RBPMS2: variants seen among roughly 807,000 people sequenced by gnomAD.
RBPMS2 encodes the protein RNA binding protein, mRNA processing factor 2, also known as RNA-binding protein with multiple splicing 2.
In RBPMS2, 14 loss-of-function variants were observed where a neutral mutation model predicts 25.7. That is an observed-to-expected ratio of 0.55 (90% CI 0.36 to 0.85). RBPMS2 has a LOEUF of 0.85. Ranked by LOEUF, RBPMS2 falls within the 40% of genes least tolerant of loss-of-function variation. The probability of loss-of-function intolerance (pLI) is 0.01; values close to 1 mark genes in which losing one functional copy is unlikely to be tolerated. For missense variants in RBPMS2, 252 were observed against 283.4 expected (o/e 0.89, Z 0.80); for synonymous variants, 127 against 115.6 (o/e 1.10, Z -0.63).
intron 1 of RBPMS2, among the ~76,000 whole-genome samples, chr15:64,762,739 G>A (rs138081597): frequency 4.5e-4 from 69 of 152,288 alleles, no homozygotes; most frequent in Admixed American, 9.2e-4. Context: ...CTCAGGTCCC[G>A]TCACACACTG....
intron 6 of RBPMS2, among the ~76,000 whole-genome samples, chr15:64,747,335 C>G (rs375638539): frequency 6.6e-6 from 1 of 152,124 alleles, no homozygotes; most frequent in East Asian, 1.9e-4. Context: ...GGCAGAGCAC[C>G]CGACTCCTCC....
chr15:64,766,671 G>A (rs1048983958), intron 1 of RBPMS2, among the ~76,000 whole-genome samples: 5 of 151,776 alleles, frequency 3.3e-5, no homozygotes, highest in Non-Finnish European at 5.9e-5. Context: ...GACTACAGGC[G>A]CCTGCCACCA....
chr15:64,757,147 A>G (rs1449983052), intron 1 of RBPMS2, among the ~76,000 whole-genome samples: 1 of 151,430 alleles, frequency 6.6e-6, no homozygotes, highest in Non-Finnish European at 1.5e-5. Context: ...TAGCTTTTCC[A>G]TTTTTGTAGC....
Position 64,751,572 on chromosome 15 carries a change from G to A in RBPMS2, c.154C>T (p.Arg52Trp), listed in dbSNP as rs150042844. 36 of 1,613,822 alleles carry A rather than the reference G, an allele frequency of 2.2e-5. No homozygotes were observed. The highest frequency in any genetic ancestry group is 2.8e-5 in the Non-Finnish European group (33 of 1,179,922). Residue 52 changes from arginine to tryptophan, a missense_variant, in exon 2 of 8, where the codon CGG (arginine) becomes TGG (tryptophan). Transcript: ENST00000300069. ...GGGTCCTGACTCACCTTGAACGGCC[G>A]GAAGAGCAAGTAGAGTTCTCTGGGT... ...IKPRELYLLF[R>W]PFKGYEGSLI...
At chr15:64,767,481 T>G (rs888819793) in intron 1 of RBPMS2, among the ~76,000 whole-genome samples, 6 of 152,192 alleles carry the variant, frequency 3.9e-5, no homozygotes, top group African/African-American at 1.4e-4. Context: ...AGCTCAGTAC[T>G]CAGGGCAGGC....
intron 1 of RBPMS2, among the ~76,000 whole-genome samples, chr15:64,767,737 C>T (rs1030771476): frequency 2.6e-5 from 4 of 152,038 alleles, no homozygotes; most frequent in Non-Finnish European, 4.4e-5. Context: ...CAGTGTGGCA[C>T]GATCTCACTG....
intron 1 of RBPMS2, among the ~76,000 whole-genome samples, chr15:64,765,275 C>T (rs1412790240): frequency 5.5e-5 from 8 of 145,240 alleles, no homozygotes; most frequent in African/African-American, 2.0e-4. Flanking sequence ...ATTAGCCCGG[C>T]GTGTTGGTGT....
chr15:64,741,096 G>A (rs951948838), intron 7 of RBPMS2, 77 bp downstream of exon 7: 6 of 1,146,026 alleles, frequency 5.2e-6, no homozygotes, highest in South Asian at 1.3e-5. Context: ...GAGACCCGGG[G>A]CAGAGGGAGG....
chr15:64,760,604 C>G (rs992923566), intron 1 of RBPMS2, among the ~76,000 whole-genome samples: 1 of 151,838 alleles, frequency 6.6e-6, no homozygotes, highest in African/African-American at 2.4e-5. Flanking sequence ...AGTTCTAGAC[C>G]AGCCTGGCTA....
chr15:64,748,744 T>C (rs529075409), intron 5 of RBPMS2, among the ~76,000 whole-genome samples, 177 bp from the exon 6 acceptor site: 1 of 152,078 alleles, frequency 6.6e-6, no homozygotes, highest in South Asian at 2.1e-4. Flanking sequence ...TGTCATGGTG[T>C]GCATCCTGCC....
Position 64,750,391 on chromosome 15 carries a change from G to C in RBPMS2, c.166-10C>G. ...GGGACCCTTCATACCCCTGCGGAGA[G>C]AGGTGGCTGTTACCGTGGAAGGTCA... On this transcript the variant is annotated splice_polypyrimidine_tract_variant and intron_variant, in intron 2 of 7. Coordinates refer to ENST00000300069, the MANE Select transcript of RBPMS2 (RefSeq NM_194272.3). The C allele has an allele frequency of 6.2e-7, 1 of 1,613,334 alleles. No individual in the cohort carries two copies. The highest frequency in any genetic ancestry group is 8.5e-7 in the Non-Finnish European group (1 of 1,179,294).
chr15:64,749,812 A>G (rs1398755862), intron 3 of RBPMS2, among the ~76,000 whole-genome samples: 1 of 152,204 alleles, frequency 6.6e-6, no homozygotes, highest in Non-Finnish European at 1.5e-5. Flanking sequence ...GCAGATAACT[A>G]AAAGTAAGTC....
chr15:64,754,302 A>C (rs2083711369), intron 1 of RBPMS2, among the ~76,000 whole-genome samples: 1 of 149,526 alleles, frequency 6.7e-6, no homozygotes, highest in Non-Finnish European at 1.5e-5. Context: ...ACAGAGTGAG[A>C]CTCCATCTCA....
Position 64,775,320 on chromosome 15 carries a change from G to T in RBPMS2, c.-1C>A. 1 of 1,304,968 alleles carries T rather than the reference G, an allele frequency of 7.7e-7. No individual in the cohort carries two copies. Among genetic ancestry groups the T allele is most frequent in the Non-Finnish European group, 9.8e-7 (1 of 1,020,930 alleles). 80.8% of individuals were successfully genotyped at this position (1,304,968 alleles called of 1,614,324 possible). A position where few individuals can be genotyped will look rare whatever the true frequency, so the allele number is the denominator to read the frequency against. On this transcript the variant is annotated 5_prime_UTR_variant, in exon 1 of 8. Transcript: ENST00000300069. ...CGCCGTCCGGCTTCAGGTTGCTCATGGTGCGGGGGAGGGGGCGGCGGGAAG... is the reference window on the plus strand; with the variant it reads ...CGCCGTCCGGCTTCAGGTTGCTCATTGTGCGGGGGAGGGGGCGGCGGGAAG...
intron 6 of RBPMS2, among the ~76,000 whole-genome samples, chr15:64,742,380 C>G (rs2141052444): frequency 6.6e-6 from 1 of 152,334 alleles, no homozygotes; most frequent in South Asian, 2.1e-4. Flanking sequence ...CGGCAGCTAT[C>G]TGAGATCATC....
Position 64,749,143 on chromosome 15 carries a change from C to T in RBPMS2, c.275G>A (p.Arg92His), listed in dbSNP as rs752694645. ...EAAKNALNGI[R>H]FDPENPQTLR... ...AGTCTGTGGATTTTCGGGATCAAAGCGAATACCCTACATGGGTAGAGAAAA... is the reference window on the plus strand; with the variant it reads ...AGTCTGTGGATTTTCGGGATCAAAGTGAATACCCTACATGGGTAGAGAAAA... The change falls in exon 5 of 8, where the codon CGC becomes CAC. Residue 92 changes from arginine to histidine, a missense_variant. Transcript: ENST00000300069. The T allele has an allele frequency of 3.3e-5, 53 of 1,613,980 alleles. No individual in the cohort carries two copies. Among genetic ancestry groups the T allele is most frequent in the African/African-American group, 8.0e-5 (6 of 74,886 alleles).
At chr15:64,773,409 G>A (rs751543941) in intron 1 of RBPMS2, among the ~76,000 whole-genome samples, 2 of 152,144 alleles carry the variant, frequency 1.3e-5, no homozygotes, top group African/African-American at 4.8e-5. Flanking sequence ...TCTGCTAAAC[G>A]CGAGCCCACC....
chr15:64,748,316 T>C, intron 6 of RBPMS2, 103 bp downstream of exon 6: 1 of 1,229,896 alleles, frequency 8.1e-7, no homozygotes, highest in Non-Finnish European at 1.1e-6. Context: ...ACAAGAGTTC[T>C]GCTGCAGCTC....
At chr15:64,750,449 C>A in intron 2 of RBPMS2, 68 bp from the exon 3 acceptor site, 1 of 1,333,822 alleles carries the variant, frequency 7.5e-7, no homozygotes, top group Non-Finnish European at 1.1e-6. Flanking sequence ...AGCGCTGCCA[C>A]CTCATCAGCC....
Sources: gnomAD v4.1 joint callset for allele counts (sites outside exome capture counted in the v4.1 genomes callset) on GRCh38, gnomAD v4.1.1 for gene constraint, MANE v1.5 for transcripts, NCBI Gene and HGNC (gene_info 2026-07-23, HGNC 2026-07-21) for gene names.